The following NAV2 variants were observed in gnomAD, a reference collection of about 807,000 sequenced individuals.
NAV2 encodes neuron navigator 2, also known as helicase, APC down-regulated 1.
A neutral mutation model predicts 223.2 loss-of-function variants in NAV2; 54 were observed. The ratio of observed to expected loss-of-function variants is 0.24; its 90% confidence interval spans 0.19 to 0.30. The LOEUF is 0.30. Ranked by LOEUF, NAV2 falls within the 10% of genes least tolerant of loss-of-function variation. The pLI, the probability that NAV2 is intolerant of heterozygous loss-of-function variation, is 1.00. For synonymous variants in NAV2, 1,279 were observed against 1,239.3 expected, an observed-to-expected ratio of 1.03 and a Z score of -0.67; for missense variants, 2,806 against 3,147.5, an observed-to-expected ratio of 0.89 and a Z score of 2.60.
In NAV2 at chr11:19,892,473, C is replaced by T. The variant is rs759267045; in HGVS notation, c.810C>T (p.Ser270=). 1.1e-4 allele frequency: 174 copies of T among 1,614,060 alleles called. 1 individual carries two copies. The highest frequency in any genetic ancestry group is 5.6e-4 in the South Asian group (51 of 91,038). ...CCGCGAGGGTATCCGCTGCAGGCAG[C>T]GAGGCCAAAACACGCGGAGGGTCAA... ...GPTARVSAAG[S]EAKTRGGSTT... is the part of the protein sequence containing the mutation. Residue 270 remains serine, a synonymous_variant, in exon 6 of 38, where the codon AGC becomes AGT. Coordinates refer to ENST00000349880, the MANE Select transcript of NAV2 (RefSeq NM_145117.5).
chr11:19,922,377 G>T (rs1173556609), intron 6 of NAV2, among the ~76,000 whole-genome samples: 1 of 152,192 alleles, frequency 6.6e-6, no homozygotes, highest in South Asian at 2.1e-4. Context: ...TAAAGCTGAG[G>T]GTCTCTGTCA....
Position 20,080,157 on chromosome 11 carries a change from G to A in NAV2, c.5273G>A (p.Ser1758Asn). ...SSINSATSHS[S>N]VGSNIESDSK... The stretch of plus-strand genomic sequence containing the variant: ...ATCAACAGTGCCACCAGCCACTCCA[G>A]CGTGGGCAGCAACATAGAGAGTGAC... The change falls in exon 25 of 38, where the codon AGC becomes AAC. Residue 1758 changes from serine to asparagine, a missense_variant. Physicochemically the swap from Ser to Asn is conservative, Grantham distance 46. This residue lies in a region of NAV2 where 824 missense variants were observed against 1,069.4 expected (regional missense o/e 0.77). Coordinates refer to ENST00000349880, the MANE Select transcript of NAV2 (RefSeq NM_145117.5). 1 of 1,614,086 alleles carries A rather than the reference G, an allele frequency of 6.2e-7. No homozygotes were observed. The highest frequency in any genetic ancestry group is 8.5e-7 in the Non-Finnish European group (1 of 1,179,962).
intron 1 of NAV2, among the ~76,000 whole-genome samples, chr11:19,746,306 T>C (rs1459217383): frequency 1.3e-5 from 2 of 152,198 alleles, no homozygotes; most frequent in African/African-American, 4.8e-5. Flanking sequence ...GGGTGGCATA[T>C]GGAAGCTAAT....
At chr11:19,937,151 A>C (rs1210219017) in intron 7 of NAV2, among the ~76,000 whole-genome samples, 1 of 152,110 alleles carries the variant, frequency 6.6e-6, no homozygotes, top group East Asian at 1.9e-4. Context: ...CAAACAAACC[A>C]AAAAGCCAAG....
chr11:19,655,517 G>A (rs866166675), intron 1 of NAV2, among the ~76,000 whole-genome samples: 117 of 152,062 alleles, frequency 7.7e-4, no homozygotes, highest in African/African-American at 2.6e-3. Flanking sequence ...GATAGACTGG[G>A]TTAAGAAAAT....
chr11:19,923,540 C>A (rs1339459393), intron 6 of NAV2, among the ~76,000 whole-genome samples: 8 of 152,166 alleles, frequency 5.3e-5, no homozygotes, highest in Admixed American at 5.2e-4. Flanking sequence ...TTGGGGCTGC[C>A]CATCCTTGCC....
At chr11:19,386,874 G>A (rs1849063332) in intron 1 of NAV2, among the ~76,000 whole-genome samples, 1 of 152,074 alleles carries the variant, frequency 6.6e-6, no homozygotes, top group African/African-American at 2.4e-5. Context: ...GGTAAAAATA[G>A]GGGGAGGTGA....
At chr11:19,361,908 C>A (rs1442478907) in intron 1 of NAV2, among the ~76,000 whole-genome samples, 1 of 152,112 alleles carries the variant, frequency 6.6e-6, no homozygotes. Flanking sequence ...CCTGCTGGAG[C>A]TGGGTTAAGA....
chr11:19,933,767 C>T lies in NAV2; in HGVS notation c.1523C>T (p.Ala508Val), dbSNP rs751728964. 6.2e-7 allele frequency: 1 copy of T among 1,614,094 alleles called. No homozygotes were observed. Among genetic ancestry groups the T allele is most frequent in the African/African-American group, 1.3e-5 (1 of 74,944 alleles). The change falls in exon 7 of 38, where the codon GCC becomes GTC. Residue 508 changes from alanine (A) to valine (V), a missense_variant. Ala to Val is a moderately conservative substitution (Grantham distance 64). This residue lies in a region of NAV2 where 1,167 missense variants were observed against 1,180.5 expected (regional missense o/e 0.99). Coordinates refer to ENST00000349880, the MANE Select transcript of NAV2 (RefSeq NM_145117.5). The surrounding 1 kb of genome is among the most constrained non-coding windows in gnomAD (Gnocchi z 4.3). The part of the protein sequence containing the change: ...KEKSKDLAKR[A>V]SVTERLDLKE... ...AAAAGCAAGGACCTTGCCAAGAGAG[C>T]CTCTGTGACGGAGAGGCTGGACCTC...
intron 1 of NAV2, among the ~76,000 whole-genome samples, chr11:19,369,183 G>C (rs1457148303): frequency 6.6e-6 from 1 of 152,176 alleles, no homozygotes; most frequent in Non-Finnish European, 1.5e-5. Context: ...TTTAAAAAGA[G>C]GCTCGCATAT....
At chr11:19,546,382 T>G (rs1251739989) in intron 1 of NAV2, among the ~76,000 whole-genome samples, 2 of 152,178 alleles carry the variant, frequency 1.3e-5, no homozygotes, top group African/African-American at 2.4e-5. Flanking sequence ...GGAGGCCCCA[T>G]GCTGGGGCCC....
chr11:19,419,288 G>A lies in NAV2; in HGVS notation c.75+68261G>A, dbSNP rs1191866706. 2.0e-5 allele frequency among the ~76,000 whole-genome samples: 3 copies of A among 152,316 alleles called. No individual in the cohort carries two copies. The East Asian group carries it at 5.8e-4, about 29-fold the overall frequency. ...ACTTTCTTACTATCTTTAGAGGAGA[G>A]GCACTGCAGGTGAGCCTCATCAAAA... On this transcript the variant is annotated intron_variant, in intron 1 of 37. Transcript: ENST00000360655.
intron 21 of NAV2, 32 bp from the exon 22 acceptor site, chr11:20,068,292 A>G: frequency 6.2e-7 from 1 of 1,612,124 alleles, no homozygotes; most frequent in South Asian, 1.1e-5. Context: ...TGGACCCCCA[A>G]AGCATGTAAC....
At chr11:19,989,412 C>T (rs2051113351) in intron 11 of NAV2, among the ~76,000 whole-genome samples, 2 of 152,236 alleles carry the variant, frequency 1.3e-5, no homozygotes, top group East Asian at 1.9e-4. Flanking sequence ...ACAGATGCTC[C>T]TAGAGCCTCC....
chr11:19,714,074 G>T, intron 1 of NAV2, 112 bp downstream of exon 1: 1 of 1,424,680 alleles, frequency 7.0e-7, no homozygotes, highest in Non-Finnish European at 9.5e-7. Flanking sequence ...TGTGGCCAGG[G>T]AAGGGAACCA....
chr11:19,606,669 C>T (rs2046482001), intron 1 of NAV2, among the ~76,000 whole-genome samples: 1 of 152,174 alleles, frequency 6.6e-6, no homozygotes, highest in South Asian at 2.1e-4. Context: ...CAGAGGGGGA[C>T]CTCAAAGGTC....
chr11:19,760,649 T>C (rs2152539369), intron 1 of NAV2, among the ~76,000 whole-genome samples: 1 of 152,286 alleles, frequency 6.6e-6, no homozygotes, highest in East Asian at 1.9e-4. Flanking sequence ...ACGGCACCTT[T>C]TCAAAATAAA....
intron 1 of NAV2, among the ~76,000 whole-genome samples, chr11:19,421,933 T>G (rs1313212260): frequency 6.6e-6 from 1 of 152,184 alleles, no homozygotes; most frequent in African/African-American, 2.4e-5. Flanking sequence ...CTCATTTTCT[T>G]GCTGTGTGAC....
At chr11:19,928,910 G>A (rs2045046223) in intron 6 of NAV2, among the ~76,000 whole-genome samples, 1 of 152,138 alleles carries the variant, frequency 6.6e-6, no homozygotes, top group Non-Finnish European at 1.5e-5. Context: ...TATCTGAGAA[G>A]CCTGTTGAGG....
Sources: gnomAD v4.1 joint callset for allele counts (sites outside exome capture counted in the v4.1 genomes callset) on GRCh38, gnomAD v4.1.1 for gene constraint, gnomAD v4.1.1 regional missense constraint, Gnocchi (gnomAD v3.1) non-coding constraint, MANE v1.5 for transcripts, NCBI Gene and HGNC (gene_info 2026-07-23, HGNC 2026-07-21) for gene names.